MSRB2: variants seen among roughly 807,000 people sequenced by gnomAD.
MSRB2 encodes methionine sulfoxide reductase B2, also known as methionine-R-sulfoxide reductase B2, mitochondrial.
A neutral mutation model predicts 19.0 loss-of-function variants in MSRB2; 17 were observed. The ratio of observed to expected loss-of-function variants is 0.89; its 90% CI spans 0.61 to 1.34. The LOEUF is 1.34. Among genes scored for constraint, MSRB2 ranks in the 40% most tolerant of loss-of-function variants. The pLI is 0.00. For missense variants in MSRB2, 208 were observed against 237.6 expected, an observed-to-expected ratio of 0.88 and a Z score of 0.82; for synonymous variants, 107 against 99.7, an observed-to-expected ratio of 1.07 and a Z score of -0.44.
intron 2 of MSRB2, among the ~76,000 whole-genome samples, chr10:23,105,175 T>C (rs1332223501): frequency 6.6e-6 from 1 of 151,830 alleles, no homozygotes; most frequent in African/African-American, 2.4e-5. Flanking sequence ...AACACCACTT[T>C]TTACAGTGCT....
intron 3 of MSRB2, among the ~76,000 whole-genome samples, chr10:23,111,259 A>T (rs1840049340): frequency 1.3e-5 from 2 of 152,192 alleles, no homozygotes; most frequent in African/African-American, 4.8e-5. Context: ...GCATGGGGGA[A>T]ACTAGAAGGA....
intron 3 of MSRB2, among the ~76,000 whole-genome samples, chr10:23,115,826 T>C (rs1840104302): frequency 6.6e-6 from 1 of 152,232 alleles, no homozygotes; most frequent in African/African-American, 2.4e-5. Flanking sequence ...AATGCTTTAA[T>C]GAGTTTTTAT....
chr10:23,120,987 T>A lies in MSRB2; in HGVS notation c.*125T>A. The A allele has an allele frequency of 1.5e-6, 1 of 666,894 alleles. No homozygotes were observed. Among genetic ancestry groups the A allele is most frequent in the South Asian group, 1.9e-5 (1 of 52,276 alleles). The allele number at this position is 666,894 out of a possible 1,614,324, so 41.3% of individuals were successfully genotyped here. On this transcript the variant is annotated 3_prime_UTR_variant, in exon 5 of 5. Transcript: ENST00000376510. ...TGAATTTGCTGCTGTCTCCAGCGAG[T>A]CATTGCTTCTCTTAATTTATTTACC...
intron 3 of MSRB2, 145 bp downstream of exon 3, chr10:23,110,463 T>C (rs75130173): frequency 2.9e-5 from 19 of 656,964 alleles, no homozygotes; most frequent in Non-Finnish European, 4.9e-5. Flanking sequence ...ATTGTTGCTG[T>C]AAGGAGAGCT....
intron 3 of MSRB2, among the ~76,000 whole-genome samples, chr10:23,113,399 T>A (rs1030333237): frequency 4.6e-5 from 7 of 152,218 alleles, no homozygotes; most frequent in Admixed American, 1.3e-4. Context: ...GGTTTTTTTT[T>A]AATCTGCTTC....
rs11013293 is a variant in MSRB2 at position 23,112,270 on chromosome 10, A to G, written c.296+1952A>G. On this transcript the variant is annotated intron_variant, in intron 3 of 4. Transcript: ENST00000376510. ...GTTGCTGCTACTGCAGCTGAAGGAA[A>G]TAATATATTCCTGAAGATTATTTAT... is the stretch of plus-strand genomic sequence containing the variant. 2.9e-3 allele frequency among the ~76,000 whole-genome samples: 448 copies of G among 152,380 alleles called. 4 individuals carry two copies. The highest frequency in any genetic ancestry group is 5.1e-3 in the Non-Finnish European group (348 of 68,044).
chr10:23,101,778 G>A (rs907244623), intron 1 of MSRB2, among the ~76,000 whole-genome samples: 20 of 152,188 alleles, frequency 1.3e-4, no homozygotes, highest in African/African-American at 4.8e-4. Context: ...CTCCAGTAGT[G>A]CTTGATGGTA....
At chr10:23,117,961 T>A (rs908641395) in intron 3 of MSRB2, among the ~76,000 whole-genome samples, 1 of 152,212 alleles carries the variant, frequency 6.6e-6, no homozygotes, top group Non-Finnish European at 1.5e-5. Context: ...AGATTAAGGA[T>A]GCTTAGCCAT....
At position 23,121,482 on chromosome 10, in the gene MSRB2, A is replaced by G. The variant is rs925851053; in HGVS notation, c.*620A>G. The G allele has an allele frequency of 2.0e-5, 3 of 152,374 alleles. No individual in the cohort carries two copies. Among genetic ancestry groups the G allele is most frequent in the African/African-American group, 7.2e-5 (3 of 41,572 alleles). 9.4% of individuals were successfully genotyped at this position (152,374 alleles called of 1,614,324 possible). On this transcript the variant is annotated 3_prime_UTR_variant, in exon 5 of 5. Transcript: ENST00000376510. ...GCACTAGGAATTATACTTCAACATA[A>G]GATTTGGAGAGGGAAAACATCCAAA... is the stretch of plus-strand genomic sequence containing the variant.
intron 2 of MSRB2, among the ~76,000 whole-genome samples, chr10:23,108,578 C>A (rs1361621190): frequency 6.6e-6 from 1 of 150,756 alleles, no homozygotes; most frequent in African/African-American, 2.4e-5. Context: ...CAGGTTCAAG[C>A]AATTCTTCTG....
At chr10:23,105,037 G>A (rs1183892136) in intron 2 of MSRB2, among the ~76,000 whole-genome samples, 1 of 152,132 alleles carries the variant, frequency 6.6e-6, no homozygotes, top group African/African-American at 2.4e-5. Flanking sequence ...GTAGGCATCC[G>A]AAAAATCAAC....
rs1224253229 is a variant in MSRB2, at chr10:23,119,169, C to T, written c.297-135C>T. 1.4e-5 allele frequency: 16 copies of T among 1,127,744 alleles called. No individual in the cohort carries two copies. The African/African-American group carries it at 1.5e-4, about 11-fold the overall frequency. The allele number at this position is 1,127,744 out of a possible 1,614,324, so 69.9% of individuals were successfully genotyped here. A position where few individuals can be genotyped will look rare whatever the true frequency, so the allele number is the denominator to read the frequency against. ...GGACGATTCCGGGGGGACTGACTGTCGAATAACTGGGCATGGGATCTGGCA... is the reference window on the plus strand; with the variant it reads ...GGACGATTCCGGGGGGACTGACTGTTGAATAACTGGGCATGGGATCTGGCA... On this transcript the variant is annotated intron_variant, in intron 3 of 4. Coordinates refer to ENST00000376510, the MANE Select transcript of MSRB2 (RefSeq NM_012228.4).
At chr10:23,110,377 T>G in intron 3 of MSRB2, 59 bp downstream of exon 3, 1 of 1,347,374 alleles carries the variant, frequency 7.4e-7, no homozygotes. Context: ...CTTACTGCTT[T>G]GTTTCATTTG....
At position 23,112,150 on chromosome 10, in the gene MSRB2, CTTTA is replaced by C. The variant is rs1279248340; in HGVS notation, c.296+1836_296+1839del. On this transcript the variant is annotated intron_variant, in intron 3 of 4. Coordinates refer to ENST00000376510, the MANE Select transcript of MSRB2 (RefSeq NM_012228.4). The stretch of plus-strand genomic sequence containing the variant: ...GTTTATGAGACTGCCAATTCACTAA[CTTTA>C]TTTGTTTTTGTGTAACCATTTAGTT... 2.0e-5 allele frequency among the ~76,000 whole-genome samples: 3 copies of C among 152,208 alleles called. No homozygotes were observed. In the East Asian group the frequency reaches 5.8e-4, roughly 29 times the overall value.
In MSRB2 at chr10:23,119,359, G is replaced by A. The variant is rs1840155046; in HGVS notation, c.352G>A (p.Gly118Ser). 1 of 1,614,130 alleles carries A rather than the reference G, an allele frequency of 6.2e-7. No homozygotes were observed. Among genetic ancestry groups the A allele is most frequent in the Non-Finnish European group, 8.5e-7 (1 of 1,180,020 alleles). The change falls in exon 4 of 5, where the codon GGT becomes AGT. Residue 118 changes from glycine to serine, a missense_variant. By Grantham distance (56) the Gly-to-Ser change is moderately conservative (BLOSUM62 0). Transcript: ENST00000376510. ...TGWPSFSEAH[G>S]TSGSDESHTG... ...GTGGCCTTCGTTTTCCGAGGCTCAT[G>A]GTACGTCTGGCTCTGATGAAAGCCA...
chr10:23,120,091 C>T (rs1202510431), intron 4 of MSRB2, among the ~76,000 whole-genome samples: 1 of 152,178 alleles, frequency 6.6e-6, no homozygotes, highest in Non-Finnish European at 1.5e-5. Flanking sequence ...AAGTCCTTAT[C>T]CTGTCAGAGT....
rs1218990746 is a variant in MSRB2 at position 23,121,651 on chromosome 10, CA to C, written c.*791del. 6.6e-6 allele frequency: 1 copy of C among 152,200 alleles called. No individual in the cohort carries two copies. Among genetic ancestry groups the C allele is most frequent in the Non-Finnish European group, 1.5e-5 (1 of 68,062 alleles). 9.4% of individuals were successfully genotyped at this position (152,200 alleles called of 1,614,324 possible). ...GAGGCTGATGGACTATTAAGCCAAACAATTCCTACAAAAATTCCCTGCACCT... is the reference window on the plus strand; with the variant it reads ...GAGGCTGATGGACTATTAAGCCAAACATTCCTACAAAAATTCCCTGCACCT... On this transcript the variant is annotated 3_prime_UTR_variant, in exon 5 of 5. Transcript: ENST00000376510.
At chr10:23,100,499 T>TACGGTTCC (rs370646057) in intron 1 of MSRB2, among the ~76,000 whole-genome samples, 23 of 152,256 alleles carry the variant, frequency 1.5e-4, no homozygotes, top group African/African-American at 5.5e-4. Context: ...TTAATTGGCT[T>TACGGTTCC]ACGGTTCCAC....
chr10:23,114,031 CAT>C (rs1840083044), intron 3 of MSRB2, among the ~76,000 whole-genome samples: 1 of 152,138 alleles, frequency 6.6e-6, no homozygotes, highest in Non-Finnish European at 1.5e-5. Flanking sequence ...GCTTAGACAT[CAT>C]AGCAATGTTG....
Sources: gnomAD v4.1 joint callset for allele counts (sites outside exome capture counted in the v4.1 genomes callset) on GRCh38, gnomAD v4.1.1 for gene constraint, MANE v1.5 for transcripts, NCBI Gene and HGNC (gene_info 2026-07-23, HGNC 2026-07-21) for gene names.